The following CPXM2 variants were observed in gnomAD, a reference collection of about 807,000 sequenced individuals.
CPXM2 encodes the protein inactive carboxypeptidase-like protein X2.
CPXM2 carries 66 observed loss-of-function variants against 86.1 expected under a neutral mutation model. That is an observed-to-expected ratio of 0.77 (90% confidence interval 0.63 to 0.94). CPXM2 has a LOEUF of 0.94. Among genes scored for constraint, CPXM2 ranks in the 40% least tolerant of loss-of-function variants. The pLI is 0.00. For synonymous variants in CPXM2, 388 were observed against 400.2 expected, an observed-to-expected ratio of 0.97 and a Z score of 0.36; for missense variants, 948 against 1,026.3, an observed-to-expected ratio of 0.92 and a Z score of 1.04.
intron 2 of CPXM2, among the ~76,000 whole-genome samples, chr10:123,926,227 G>A (rs576674392): frequency 1.2e-4 from 18 of 152,348 alleles, no homozygotes; most frequent in Admixed American, 3.3e-4. Context: ...CTAATCTTCC[G>A]ATACCGGGTC....
At chr10:123,851,795 G>T (rs527480093) in intron 3 of CPXM2, among the ~76,000 whole-genome samples, 71 of 151,496 alleles carry the variant, frequency 4.7e-4, no homozygotes, top group African/African-American at 1.6e-3. Context: ...AGGGGGCTGG[G>T]ACAGATGCAC....
chr10:123,922,737 GTTC>G (rs1469262127), intron 2 of CPXM2, among the ~76,000 whole-genome samples: 3 of 152,236 alleles, frequency 2.0e-5, no homozygotes, highest in African/African-American at 7.2e-5. Context: ...GGGGAGGGAA[GTTC>G]TTCTTTATGC....
chr10:123,834,723 C>G (rs74162950), intron 4 of CPXM2, among the ~76,000 whole-genome samples: 2,048 of 152,254 alleles, frequency 0.013, 38 homozygotes, highest in African/African-American at 0.047. Flanking sequence ...GAAATCTGAT[C>G]CCGTGTTGGA....
rs766571203 is a variant in CPXM2 at position 123,770,944 on chromosome 10, G to A, written c.1074C>T (p.Ile358=). 7 of 1,614,050 alleles carry A rather than the reference G, an allele frequency of 4.3e-6. No individual in the cohort carries two copies. In the South Asian group the frequency reaches 6.6e-5, roughly 15 times the overall value. Residue 358 remains isoleucine, a synonymous_variant, in exon 8 of 14, where the codon ATC becomes ATT. Coordinates refer to ENST00000241305, the MANE Select transcript of CPXM2 (RefSeq NM_198148.3). ...CTTCATGCTCCCCAGGGTGATCTGA[G>A]ATCTCCACAGCATACAGCTTCAGGC... is the stretch of plus-strand genomic sequence containing the variant. The part of the protein sequence containing the change: ...HQGLKLYAVE[I]SDHPGEHEVG...
intron 3 of CPXM2, among the ~76,000 whole-genome samples, chr10:123,861,752 T>C (rs1277755906): frequency 1.3e-5 from 2 of 152,194 alleles, no homozygotes; most frequent in African/African-American, 4.8e-5. Flanking sequence ...TGATTCTCCC[T>C]ACAGTCTCCA....
rs1291935230 is a variant in CPXM2 at position 123,885,360 on chromosome 10, C to T, written c.305-5051G>A. ...AAAAGCTCGGGTTATTAATTGTTCC[C>T]ATGCCATCGTGAGGAACTGATGCTT... On this transcript the variant is annotated intron_variant, in intron 1 of 13. Transcript: ENST00000241305. This position sits in a 1 kb window ranked among gnomAD's most constrained non-coding sequence, Gnocchi z 4.0. Among the ~76,000 whole-genome samples the T allele has an allele frequency of 1.3e-5, 2 of 152,154 alleles. No individual in the cohort carries two copies. The highest frequency in any genetic ancestry group is 2.9e-5 in the Non-Finnish European group (2 of 68,020).
chr10:123,762,176 A>G lies in CPXM2; in HGVS notation c.1480-7T>C. ...CTCTGGTCTCGGCAGCCACCTGTGA[A>G]CATCCCAAATGGACGAGTAAAATAA... On this transcript the variant is annotated splice_region_variant and splice_polypyrimidine_tract_variant and intron_variant, in intron 10 of 13. Coordinates refer to ENST00000241305, the MANE Select transcript of CPXM2 (RefSeq NM_198148.3). The G allele has an allele frequency of 6.2e-7, 1 of 1,614,120 alleles. No homozygotes were observed. The highest frequency in any genetic ancestry group is 8.5e-7 in the Non-Finnish European group (1 of 1,180,032).
chr10:123,905,283 G>A (rs373883390), intron 2 of CPXM2, among the ~76,000 whole-genome samples: 14 of 152,214 alleles, frequency 9.2e-5, no homozygotes, highest in East Asian at 5.8e-4. Context: ...AAGGCCTTCC[G>A]CGAGCAGCTT....
intron 3 of CPXM2, chr10:123,843,306 T>A (rs1229534314): frequency 2.2e-6 from 1 of 455,704 alleles, no homozygotes; most frequent in Non-Finnish European, 4.4e-6. Context: ...GCTCTGGAAT[T>A]TTCTCTATAT....
intron 2 of CPXM2, among the ~76,000 whole-genome samples, chr10:123,919,637 G>A (rs945824741): frequency 6.6e-6 from 1 of 152,164 alleles, no homozygotes; most frequent in Non-Finnish European, 1.5e-5. Context: ...CCCTAGAGAG[G>A]CACAATAACA....
At chr10:123,832,029 T>G (rs1364522987) in intron 4 of CPXM2, among the ~76,000 whole-genome samples, 1 of 151,486 alleles carries the variant, frequency 6.6e-6, no homozygotes, top group African/African-American at 2.4e-5. Context: ...GTGTGATTAT[T>G]TTGCCAACCA....
intron 2 of CPXM2, chr10:123,931,424 G>C (rs1945665470): frequency 6.6e-6 from 1 of 152,152 alleles, no homozygotes; most frequent in Non-Finnish European, 1.5e-5. Flanking sequence ...CCCATCCCTT[G>C]GCTGATTCTA....
chr10:123,791,515 G>A (rs1442848327), intron 6 of CPXM2, among the ~76,000 whole-genome samples: 3 of 152,142 alleles, frequency 2.0e-5, no homozygotes, highest in Non-Finnish European at 4.4e-5. Flanking sequence ...ATGTCCATTG[G>A]CTGCCTGCAA....
chr10:123,898,568 C>T (rs1191251864), intron 2 of CPXM2, among the ~76,000 whole-genome samples: 1 of 152,128 alleles, frequency 6.6e-6, no homozygotes, highest in Non-Finnish European at 1.5e-5. Context: ...AGCCCAGGAG[C>T]TTGAGGTTAT....
At chr10:123,836,653 G>A (rs1273795923) in intron 4 of CPXM2, among the ~76,000 whole-genome samples, 3 of 152,144 alleles carry the variant, frequency 2.0e-5, no homozygotes, top group Admixed American at 6.5e-5. Flanking sequence ...TTCCAGACCC[G>A]AATCCTGTCA....
chr10:123,805,628 T>C (rs909762270), intron 4 of CPXM2, among the ~76,000 whole-genome samples: 6 of 152,184 alleles, frequency 3.9e-5, no homozygotes, highest in Admixed American at 3.9e-4. Flanking sequence ...TATGGTCAAC[T>C]TTGGCAAATA....
At position 123,770,911 on chromosome 10, in the gene CPXM2, C is replaced by T; in HGVS notation, c.1102+5G>A. ...GGCCAAGCATCCCAGAGGGGCCCTT[C>T]TCACCGACTTCATGCTCCCCAGGGT... is the stretch of plus-strand genomic sequence containing the variant. On this transcript the variant is annotated splice_donor_5th_base_variant and intron_variant, in intron 8 of 13. Coordinates refer to ENST00000241305, the MANE Select transcript of CPXM2 (RefSeq NM_198148.3). 1 of 1,610,902 alleles carries T rather than the reference C, an allele frequency of 6.2e-7. No homozygotes were observed. Among genetic ancestry groups the T allele is most frequent in the Non-Finnish European group, 8.5e-7 (1 of 1,179,138 alleles).
At chr10:123,763,308 G>C (rs1846390036) in intron 10 of CPXM2, among the ~76,000 whole-genome samples, 1 of 152,118 alleles carries the variant, frequency 6.6e-6, no homozygotes, top group Non-Finnish European at 1.5e-5. Context: ...AAAGTGCTGG[G>C]ATTCCCTTCT....
chr10:123,900,049 A>C (rs915218303), intron 2 of CPXM2, among the ~76,000 whole-genome samples: 8 of 152,176 alleles, frequency 5.3e-5, no homozygotes, highest in Admixed American at 5.2e-4. Context: ...TAACAAAAAA[A>C]ATTTTTTTTG....
Sources: allele counts gnomAD v4.1 joint callset (sites outside exome capture counted in the v4.1 genomes callset), GRCh38; gene constraint gnomAD v4.1.1; non-coding constraint Gnocchi (gnomAD v3.1); transcripts MANE v1.5; gene names NCBI Gene and HGNC (gene_info 2026-07-23, HGNC 2026-07-21).